Variants in ROBO2 observed in about 807,000 individuals in gnomAD.
ROBO2 encodes the protein roundabout homolog 2.
ROBO2 carries 53 observed loss-of-function variants against 160.8 expected under a neutral mutation model. The ratio of observed to expected loss-of-function variants is 0.33; its 90% CI spans 0.26 to 0.41. ROBO2 has a LOEUF of 0.41. Ranked by LOEUF, ROBO2 falls within the 10% of genes least tolerant of loss-of-function variation. ROBO2 has a pLI of 1.00. For synonymous variants in ROBO2, 664 were observed against 611.7 expected (o/e 1.09, Z -1.26); for missense variants, 1,577 against 1,722.4 (o/e 0.92, Z 1.49).
intron 1 of ROBO2, among the ~76,000 whole-genome samples, chr3:77,087,990 C>A (rs974869393): frequency 6.6e-6 from 1 of 152,082 alleles, no homozygotes; most frequent in Non-Finnish European, 1.5e-5. Context: ...ACCAAGCCTG[C>A]ACTCCCTACG....
At chr3:76,102,135 CG>C (rs1325664440) in intron 2 of ROBO2, among the ~76,000 whole-genome samples, 1 of 152,098 alleles carries the variant, frequency 6.6e-6, no homozygotes, top group Non-Finnish European at 1.5e-5. Context: ...GGAGCTGCAT[CG>C]TTTAATGTAG....
At chr3:77,008,276 GAGACTATATTAT>G (rs1457578515) in intron 2 of ROBO2, among the ~76,000 whole-genome samples, 1 of 152,076 alleles carries the variant, frequency 6.6e-6, no homozygotes, top group Non-Finnish European at 1.5e-5. Flanking sequence ...AAAATCAACT[GAGACTATATTAT>G]AGGAAAGAGA....
At chr3:76,411,943 TG>T (rs1422140374) in intron 2 of ROBO2, among the ~76,000 whole-genome samples, 2 of 152,164 alleles carry the variant, frequency 1.3e-5, no homozygotes, top group Non-Finnish European at 2.9e-5. Flanking sequence ...TGTGGAAGTA[TG>T]TGCCTGAAAA....
chr3:76,566,580 A>G (rs2084538450), intron 2 of ROBO2, among the ~76,000 whole-genome samples: 1 of 152,224 alleles, frequency 6.6e-6, no homozygotes, highest in Non-Finnish European at 1.5e-5. Flanking sequence ...CTTCACTAAG[A>G]GTAATTCTAT....
intron 2 of ROBO2, among the ~76,000 whole-genome samples, chr3:76,987,638 A>G (rs1468319628): frequency 6.6e-6 from 1 of 152,212 alleles, no homozygotes; most frequent in Non-Finnish European, 1.5e-5. Context: ...GGCAGCTTAA[A>G]AAAAAGCCAG....
At chr3:77,242,863 A>T (rs1278544522) in intron 2 of ROBO2, among the ~76,000 whole-genome samples, 1 of 151,324 alleles carries the variant, frequency 6.6e-6, no homozygotes, top group East Asian at 1.9e-4. Flanking sequence ...GGCCTATTGT[A>T]CTATGTCTTA....
chr3:77,104,361 T>C (rs147892821), intron 2 of ROBO2, among the ~76,000 whole-genome samples: 5 of 152,332 alleles, frequency 3.3e-5, no homozygotes, highest in Admixed American at 1.3e-4. Context: ...TTAACATTAA[T>C]GTTTTCAAGG....
intron 2 of ROBO2, among the ~76,000 whole-genome samples, chr3:76,395,701 C>G (rs1467276527): frequency 6.6e-6 from 1 of 152,158 alleles, no homozygotes; most frequent in Non-Finnish European, 1.5e-5. Context: ...CACCTCTACA[C>G]AAACAAACTA....
chr3:77,280,621 G>A (rs939172613), intron 2 of ROBO2, among the ~76,000 whole-genome samples: 5 of 152,098 alleles, frequency 3.3e-5, no homozygotes, highest in South Asian at 2.1e-4. Context: ...TCCATAACAC[G>A]ACACTAGAAA....
chr3:76,991,580 G>C (rs538050821), intron 2 of ROBO2, among the ~76,000 whole-genome samples: 2 of 152,274 alleles, frequency 1.3e-5, no homozygotes, highest in South Asian at 4.1e-4. Context: ...GATTCATTAA[G>C]TTTTGAGGAC....
chr3:76,927,389 A>G (rs551084078), intron 2 of ROBO2, among the ~76,000 whole-genome samples: 1 of 152,358 alleles, frequency 6.6e-6, no homozygotes, highest in Admixed American at 6.5e-5. Flanking sequence ...AAATTTCCAT[A>G]CAATAAAAGC....
At position 77,573,573 on chromosome 3, in the gene ROBO2, ATAT is replaced by A. The variant is rs2093689494; in HGVS notation, c.1972-924_1972-922del. Among the ~76,000 whole-genome samples the A allele has an allele frequency of 2.0e-5, 3 of 152,038 alleles. No homozygotes were observed. In the South Asian group the frequency reaches 6.2e-4, roughly 31 times the overall value. On this transcript the variant is annotated intron_variant, in intron 13 of 25. Coordinates refer to ENST00000461745, the Ensembl canonical transcript of ROBO2. Reference sequence around the variant, plus strand: ...TAAATTAGTAAAAGTTTTTCATTTAATATTTGGTAATGGGCATAAACGTTCATA... The same window carrying A: ...TAAATTAGTAAAAGTTTTTCATTTAATTGGTAATGGGCATAAACGTTCATA...
exon 1 of ROBO2, chr3:77,040,276 A>G (rs2063961488): frequency 1.0e-6 from 1 of 994,506 alleles, no homozygotes; most frequent in South Asian, 4.5e-5. Context: ...AAATATAGAC[A>G]TATTAAAAAA....
chr3:76,457,378 T>A (rs376250565), intron 2 of ROBO2, among the ~76,000 whole-genome samples: 19 of 152,270 alleles, frequency 1.2e-4, no homozygotes, highest in East Asian at 1.2e-3. Context: ...TCCAAAAGGA[T>A]CTCTTTTGAC....
At chr3:76,761,889 G>A (rs902387382) in intron 2 of ROBO2, among the ~76,000 whole-genome samples, 1 of 151,652 alleles carries the variant, frequency 6.6e-6, no homozygotes, top group African/African-American at 2.4e-5. Context: ...TTGAGGTATT[G>A]TATTTCTGGT....
intron 2 of ROBO2, among the ~76,000 whole-genome samples, chr3:77,423,943 A>T (rs1444872045): frequency 4.6e-5 from 7 of 152,166 alleles, no homozygotes; most frequent in Non-Finnish European, 8.8e-5. Flanking sequence ...TGAATATGTT[A>T]TTCTATTAAT....
intron 2 of ROBO2, among the ~76,000 whole-genome samples, chr3:76,316,838 G>T (rs2072072932): frequency 6.6e-6 from 1 of 152,076 alleles, no homozygotes; most frequent in African/African-American, 2.4e-5. Context: ...ATGTTCCTCG[G>T]CCGCGGCTCC....
chr3:77,248,861 A>G (rs145390300), intron 2 of ROBO2, among the ~76,000 whole-genome samples: 45 of 150,470 alleles, frequency 3.0e-4, no homozygotes, highest in African/African-American at 1.0e-3. Flanking sequence ...ATATGAGCCC[A>G]CTCATAAATG....
At chr3:75,956,794 G>A (rs1430538736) in intron 2 of ROBO2, among the ~76,000 whole-genome samples, 1 of 151,760 alleles carries the variant, frequency 6.6e-6, no homozygotes, top group Non-Finnish European at 1.5e-5. Context: ...TTCACTACTA[G>A]AATGCATGTT....
Sources: allele counts gnomAD v4.1 joint callset (sites outside exome capture counted in the v4.1 genomes callset), GRCh38; gene constraint gnomAD v4.1.1; transcripts MANE v1.5; gene names NCBI Gene and HGNC (gene_info 2026-07-23, HGNC 2026-07-21).